Variants in ANXA8 observed in about 807,000 individuals in gnomAD.
ANXA8 encodes the protein VAC-beta.
ANXA8 carries 9 observed loss-of-function variants against 26.8 expected under a neutral mutation model. The observed-to-expected ratio is 0.34, with a 90% CI of 0.20 to 0.59. ANXA8 has a LOEUF of 0.59. Among genes scored for constraint, ANXA8 ranks in the 20% least tolerant of loss-of-function variants. The pLI is 0.84. For missense variants in ANXA8, 83 were observed against 238.5 expected, an observed-to-expected ratio of 0.35 and a Z score of 4.29; for synonymous variants, 39 against 94.8, an observed-to-expected ratio of 0.41 and a Z score of 3.42.
the ANXA8 span, among the ~76,000 whole-genome samples, chr10:47,558,529 A>ATGTGTGTGTGTG: frequency 4.9e-4 from 69 of 141,488 alleles, no homozygotes; most frequent in South Asian, 1.2e-3. Flanking sequence ...GGGTTTTAAG[A>ATGTGTGTGTGTG]TGTGTGTGTG....
chr10:47,743,378 A>G, the ANXA8 span, among the ~76,000 whole-genome samples: 1,741 of 59,478 alleles, frequency 0.029, 81 homozygotes, highest in Admixed American at 0.045. Flanking sequence ...ATACATATAT[A>G]TGTGTGTGTG....
At chr10:47,647,746 T>C in the ANXA8 span, among the ~76,000 whole-genome samples, 90 of 151,562 alleles carry the variant, frequency 5.9e-4, no homozygotes, top group African/African-American at 2.1e-3. Flanking sequence ...GAAAATATGC[T>C]ATTGGTAGGC....
chr10:47,484,016 T>C lies in ANXA8; in HGVS notation c.-83A>G. ...GCTGGGACTCCACACGTCTGGCTCC[T>C]GCAGCTGAGGAGTGAGCAGGCCGCT... is the stretch of plus-strand genomic sequence containing the variant. On this transcript the variant is annotated 5_prime_UTR_variant, in exon 1 of 12. Transcript: ENST00000585281. 6.2e-7 allele frequency: 1 copy of C among 1,611,608 alleles called. No homozygotes were observed. Among genetic ancestry groups the C allele is most frequent in the Admixed American group, 1.7e-5 (1 of 59,986 alleles).
chr10:47,607,967 A>T, the ANXA8 span, among the ~76,000 whole-genome samples: 2 of 143,426 alleles, frequency 1.4e-5, no homozygotes, highest in African/African-American at 5.6e-5. Context: ...TAAAAATTTT[A>T]TTATTGTAGT....
the ANXA8 span, among the ~76,000 whole-genome samples, chr10:47,957,707 T>C: frequency 6.7e-6 from 1 of 148,948 alleles, no homozygotes; most frequent in Non-Finnish European, 1.5e-5. Context: ...GCTCCCTACT[T>C]AGGCTCCAGG....
the ANXA8 span, among the ~76,000 whole-genome samples, chr10:47,639,349 T>C: frequency 8.2e-6 from 1 of 121,594 alleles, no homozygotes. Context: ...GTCTAGCTCT[T>C]TCGCCCAGGC....
chr10:47,916,337 T>C, the ANXA8 span, among the ~76,000 whole-genome samples: 11 of 131,588 alleles, frequency 8.4e-5, 1 homozygote, highest in African/African-American at 2.8e-4. Context: ...CTATGATTGG[T>C]GCAGGGCTCT....
At chr10:47,688,200 C>T in the ANXA8 span, among the ~76,000 whole-genome samples, 1 of 147,374 alleles carries the variant, frequency 6.8e-6, no homozygotes, top group East Asian at 2.0e-4. Flanking sequence ...CTCAAGTAAT[C>T]CTCCCACCTC....
At chr10:47,977,587 T>C in the ANXA8 span, among the ~76,000 whole-genome samples, 5 of 151,704 alleles carry the variant, frequency 3.3e-5, no homozygotes, top group African/African-American at 9.6e-5. Flanking sequence ...GACAATGATG[T>C]CTTACCAAAT....
Position 47,474,360 on chromosome 10 carries a change from A to T in ANXA8, c.591T>A (p.Asp197Glu). 6.5e-7 allele frequency: 1 copy of T among 1,538,314 alleles called. No individual in the cohort carries two copies. The highest frequency in any genetic ancestry group is 8.8e-7 in the Non-Finnish European group (1 of 1,139,084). ...YAAGEKIRGT[D>E]EMKFITILCT... ...ACAGGATGGTGATGAATTTCATCTC[A>T]TCAGTCCCACGAATCTTCTCGCCTG... The change falls in exon 8 of 12, where the codon GAT (aspartate) becomes GAA (glutamate). Residue 197 changes from aspartate to glutamate, a missense_variant. Asp to Glu is a conservative substitution (Grantham distance 45, BLOSUM62 2). Coordinates refer to ENST00000585281, the MANE Select transcript of ANXA8 (RefSeq NM_001040084.3).
chr10:47,573,255 T>C, the ANXA8 span, among the ~76,000 whole-genome samples: 2 of 149,576 alleles, frequency 1.3e-5, no homozygotes, highest in Non-Finnish European at 1.5e-5. Context: ...GTGCTGAGAT[T>C]ACAGGCGTGA....
the ANXA8 span, among the ~76,000 whole-genome samples, chr10:47,511,178 C>G: frequency 7.4e-6 from 1 of 135,606 alleles, no homozygotes; most frequent in African/African-American, 3.0e-5. Context: ...CTCCTCACCT[C>G]GTGATCTGCC....
At chr10:47,687,598 C>T in the ANXA8 span, among the ~76,000 whole-genome samples, 4 of 151,934 alleles carry the variant, frequency 2.6e-5, no homozygotes, top group African/African-American at 9.7e-5. Flanking sequence ...TATTTCTCCT[C>T]CCACTTGGGT....
chr10:47,735,018 TAA>T, the ANXA8 span, among the ~76,000 whole-genome samples: 3 of 115,148 alleles, frequency 2.6e-5, no homozygotes, highest in Non-Finnish European at 1.8e-5. Context: ...AGACTCTGTT[TAA>T]AAAAAAAAAA....
the ANXA8 span, among the ~76,000 whole-genome samples, chr10:47,672,104 T>C: frequency 1.3e-5 from 2 of 151,060 alleles, no homozygotes; most frequent in Non-Finnish European, 2.9e-5. Context: ...TCTTGTTTTC[T>C]ATTGCAATCT....
the ANXA8 span, among the ~76,000 whole-genome samples, chr10:47,622,166 A>G: frequency 1.9e-4 from 22 of 113,054 alleles, no homozygotes; most frequent in African/African-American, 7.2e-4. Flanking sequence ...TGATTCTGGG[A>G]AGCAGCATTC....
the ANXA8 span, among the ~76,000 whole-genome samples, chr10:47,691,438 C>G: frequency 1.1e-4 from 16 of 143,052 alleles, no homozygotes; most frequent in Non-Finnish European, 1.6e-4. Context: ...TCTGTTCTAT[C>G]CTTCTCAGCT....
At chr10:47,666,619 A>C in the ANXA8 span, among the ~76,000 whole-genome samples, 5 of 151,844 alleles carry the variant, frequency 3.3e-5, no homozygotes, top group Non-Finnish European at 7.4e-5. Context: ...CAATTTTGTA[A>C]GATTTAGTTT....
At chr10:47,556,924 A>C in the ANXA8 span, among the ~76,000 whole-genome samples, 2 of 150,024 alleles carry the variant, frequency 1.3e-5, no homozygotes, top group African/African-American at 4.9e-5. Context: ...TTAAAAATCT[A>C]AGATGGTATT....
Sources: allele counts gnomAD v4.1 joint callset (sites outside exome capture counted in the v4.1 genomes callset), GRCh38; gene constraint gnomAD v4.1.1; transcripts MANE v1.5; gene names NCBI Gene and HGNC (gene_info 2026-07-23, HGNC 2026-07-21).